Variants in ALOX12 observed in about 807,000 individuals in gnomAD.
The protein encoded by ALOX12 is polyunsaturated fatty acid lipoxygenase ALOX12.
ALOX12 carries 62 observed loss-of-function variants against 85.5 expected under a neutral mutation model. That is an observed-to-expected ratio of 0.73 (90% CI 0.59 to 0.90). The LOEUF is 0.90. ALOX12 is among the 40% of genes least tolerant of loss of function. The pLI, the probability that ALOX12 is intolerant of heterozygous loss-of-function variation, is 0.00. For missense variants in ALOX12, 751 were observed against 856.5 expected (o/e 0.88, Z 1.54); for synonymous variants, 299 against 332.7 (o/e 0.90, Z 1.10).
Position 6,998,714 on chromosome 17 carries a change from G to A in ALOX12, c.420-1G>A, listed in dbSNP as rs1417839262. 1.9e-6 allele frequency: 3 copies of A among 1,611,308 alleles called. No individual in the cohort carries two copies. The South Asian group carries it at 3.3e-5, about 18-fold the overall frequency. ...CCTGAAGCTTTGTCCCCAACTCCTA[G>A]CTGGGCCACCTGGAAGGAAGGGTTA... is the stretch of plus-strand genomic sequence containing the variant. On this transcript the variant is annotated splice_acceptor_variant, in intron 3 of 13. Coordinates refer to ENST00000251535, the MANE Select transcript of ALOX12 (RefSeq NM_000697.3). LOFTEE classifies it high-confidence loss of function.
chr17:7,001,715 C>T lies in ALOX12; in HGVS notation c.1065C>T (p.His355=), dbSNP rs113417479. ...SWVRNSDFQL[H]EIQYHLLNTH... ...TCCGAAATTCAGATTTCCAACTGCA[C>T]GAGATCCAGTATCACTTGCTGAACA... is the stretch of plus-strand genomic sequence containing the variant. Residue 355 remains histidine, a synonymous_variant, in exon 8 of 14, where the codon CAC becomes CAT. Transcript: ENST00000251535. 180 of 1,614,118 alleles carry T rather than the reference C, an allele frequency of 1.1e-4. No homozygotes were observed. The highest frequency in any genetic ancestry group is 3.7e-4 in the African/African-American group (28 of 75,032).
chr17:6,996,992 A>G lies in ALOX12; in HGVS notation c.302A>G (p.Gln101Arg). 6.4e-7 allele frequency: 1 copy of G among 1,563,414 alleles called. No homozygotes were observed. The highest frequency in any genetic ancestry group is 8.7e-7 in the Non-Finnish European group (1 of 1,153,644). Reference sequence around the variant, plus strand: ...GCCTTCCCGTGCTACCGCTGGGTGCAGGGCGAGGACATCCTGAGCCTGCCC... The same window carrying G: ...GCCTTCCCGTGCTACCGCTGGGTGCGGGGCGAGGACATCCTGAGCCTGCCC... The part of the protein sequence containing the change: ...EVAFPCYRWV[Q>R]GEDILSLPEG... The change falls in exon 2 of 14, where the codon CAG (glutamine) becomes CGG (arginine). Residue 101 changes from glutamine (Q) to arginine (R), a missense_variant. Gln to Arg is a conservative substitution (Grantham distance 43). Coordinates refer to ENST00000251535, the MANE Select transcript of ALOX12 (RefSeq NM_000697.3).
At chr17:7,006,693 C>A in intron 11 of ALOX12, 86 bp downstream of exon 11, 1 of 1,487,392 alleles carries the variant, frequency 6.7e-7, no homozygotes, top group South Asian at 1.4e-5. Flanking sequence ...GGACAGGACC[C>A]CAGCCTCTCA....
chr17:7,006,477 C>G lies in ALOX12; in HGVS notation c.1419-9C>G, dbSNP rs373968233. On this transcript the variant is annotated splice_polypyrimidine_tract_variant and intron_variant, in intron 10 of 13. Transcript: ENST00000251535. ...TTTCTGCCCTCAAGTGCCTTTTCCCCCTGGGCAGGTATGTGGAGGGGATCG... is the reference window on the plus strand; with the variant it reads ...TTTCTGCCCTCAAGTGCCTTTTCCCGCTGGGCAGGTATGTGGAGGGGATCG... The G allele has an allele frequency of 2.9e-5, 47 of 1,613,468 alleles. No homozygotes were observed. In the African/African-American group the frequency reaches 6.0e-4, roughly 21 times the overall value.
At chr17:6,998,087 C>T (rs1476895208) in intron 2 of ALOX12, among the ~76,000 whole-genome samples, 7 of 149,684 alleles carry the variant, frequency 4.7e-5, no homozygotes, top group Non-Finnish European at 1.5e-5. Context: ...CAGGTGAAGG[C>T]GTGGCAGGTG....
chr17:7,001,318 TCACATTCCAC>T, intron 7 of ALOX12: 1 of 459,478 alleles, frequency 2.2e-6, no homozygotes, highest in South Asian at 2.6e-5. Context: ...TACTTCTCCT[TCACATTCCAC>T]CACCATCTGA....
At position 7,006,060 on chromosome 17, in the gene ALOX12, CGG is replaced by C. The variant is rs1555568712; in HGVS notation, c.1418+46_1418+47del. On this transcript the variant is annotated intron_variant, in intron 10 of 13. Coordinates refer to ENST00000251535, the MANE Select transcript of ALOX12 (RefSeq NM_000697.3). The stretch of plus-strand genomic sequence containing the variant: ...AGGAGGAGCTGAGAAATGGTGGGGC[CGG>C]GGGGGGGGGGGGCTCTGGCCTGAGG... The C allele has an allele frequency of 1.4e-4, 13 of 92,150 alleles. No homozygotes were observed. The Admixed American group carries it at 3.4e-3, about 24-fold the overall frequency. 5.7% of individuals were successfully genotyped at this position (92,150 alleles called of 1,614,324 possible).
Position 7,009,979 on chromosome 17 carries a change from T to C in ALOX12, c.1665T>C (p.Pro555=). The C allele has an allele frequency of 6.2e-7, 1 of 1,614,122 alleles. No homozygotes were observed. Among genetic ancestry groups the C allele is most frequent in the Non-Finnish European group, 8.5e-7 (1 of 1,180,006 alleles). ...AGCTGGACTGGTATGCCTGGGTCCC[T>C]AATGCTCCATGCACAATGCGGATGC... The part of the protein sequence containing the change: ...QGQLDWYAWV[P]NAPCTMRMPP... The change falls in exon 13 of 14, where the codon CCT becomes CCC. Residue 555 remains proline, a synonymous_variant. Coordinates refer to ENST00000251535, the MANE Select transcript of ALOX12 (RefSeq NM_000697.3).
intron 6 of ALOX12, 89 bp downstream of exon 6, chr17:6,999,555 G>A (rs1908609819): frequency 4.9e-6 from 7 of 1,438,178 alleles, no homozygotes; most frequent in Non-Finnish European, 6.7e-6. Context: ...TCAGAGGAAG[G>A]CTGCAGTACT....
At position 7,006,540 on chromosome 17, in the gene ALOX12, G is replaced by A; in HGVS notation, c.1473G>A (p.Gly491=). The A allele has an allele frequency of 6.2e-7, 1 of 1,613,786 alleles. No individual in the cohort carries two copies. Among genetic ancestry groups the A allele is most frequent in the Non-Finnish European group, 8.5e-7 (1 of 1,179,850 alleles). ...ACCAAAGGGATGACATAGTGAAGGGGGACCCTGAGCTGCAGGCCTGGTGTC... is the reference window on the plus strand; with the variant it reads ...ACCAAAGGGATGACATAGTGAAGGGAGACCCTGAGCTGCAGGCCTGGTGTC... The part of the protein sequence containing the change: ...LFYQRDDIVK[G]DPELQAWCRE... Residue 491 remains glycine, a synonymous_variant, in exon 11 of 14, where the codon GGG becomes GGA. Transcript: ENST00000251535.
chr17:7,001,439 C>A, intron 7 of ALOX12, 163 bp from the exon 8 acceptor site: 2 of 708,028 alleles, frequency 2.8e-6, no homozygotes, highest in Non-Finnish European at 4.8e-6. Flanking sequence ...GACATCAGGG[C>A]ACTCCAGCTA....
chr17:6,998,657 C>G (rs2151639221), intron 3 of ALOX12, 58 bp from the exon 4 acceptor site: 1 of 1,589,900 alleles, frequency 6.3e-7, no homozygotes, highest in Non-Finnish European at 8.6e-7. Flanking sequence ...CCTGCCCCTG[C>G]CCCTGGCCCC....
rs1908635114 is a variant in ALOX12 at position 7,000,073 on chromosome 17, C to G, written c.808-263C>G. 6.6e-6 allele frequency among the ~76,000 whole-genome samples: 1 copy of G among 152,168 alleles called. No homozygotes were observed. Among genetic ancestry groups the G allele is most frequent in the Admixed American group, 6.5e-5 (1 of 15,274 alleles). On this transcript the variant is annotated intron_variant, in intron 6 of 13. Coordinates refer to ENST00000251535, the MANE Select transcript of ALOX12 (RefSeq NM_000697.3). This position sits in a 1 kb window ranked among gnomAD's most constrained non-coding sequence, Gnocchi z 4.6. ...TTGACAGGTGGTCAGTTTACAATGC[C>G]TGTGATGCCAACTGGATTGAGCAGG...
chr17:7,005,762 A>C, intron 9 of ALOX12, 96 bp from the exon 10 acceptor site: 4 of 1,381,042 alleles, frequency 2.9e-6, no homozygotes, highest in South Asian at 2.6e-5. Flanking sequence ...CCCATGTCTT[A>C]ATATCTGAAA....
chr17:7,008,015 A>G (rs1036208582), intron 11 of ALOX12, among the ~76,000 whole-genome samples: 3 of 152,218 alleles, frequency 2.0e-5, no homozygotes, highest in African/African-American at 7.2e-5. Flanking sequence ...GGCTGCCCAC[A>G]GCCGATTTCT....
At chr17:7,004,446 ATTT>A (rs1234670531) in intron 8 of ALOX12, among the ~76,000 whole-genome samples, 2 of 146,156 alleles carry the variant, frequency 1.4e-5, no homozygotes, top group African/African-American at 2.5e-5. Context: ...AAATTTTAAT[ATTT>A]TTATTTTAAT....
chr17:7,002,462 G>A (rs1239308216), intron 8 of ALOX12: 3 of 468,718 alleles, frequency 6.4e-6, no homozygotes, highest in Middle Eastern at 6.9e-4. Flanking sequence ...GTAAGTCCCT[G>A]GGGCAGGTGT....
chr17:7,010,322 T>A lies in ALOX12; in HGVS notation c.1891T>A (p.Leu631Met). 2 of 1,614,168 alleles carry A rather than the reference T, an allele frequency of 1.2e-6. No individual in the cohort carries two copies. The highest frequency in any genetic ancestry group is 1.7e-6 in the Non-Finnish European group (2 of 1,180,026). Residue 631 changes from leucine (L) to methionine (M), a missense_variant, in exon 14 of 14, where the codon TTG (leucine) becomes ATG (methionine). Transcript: ENST00000251535. ...TGTGCTAAACCAATTCCGAACAGAT[T>A]TGGAAAAGCTGGAAAAGGAGATTAC... ...KAVLNQFRTDLEKLEKEITAR... is the reference protein window; with the variant it reads ...KAVLNQFRTDMEKLEKEITAR...
chr17:6,996,307 G>C, intron 1 of ALOX12, 55 bp downstream of exon 1: 1 of 1,217,932 alleles, frequency 8.2e-7, no homozygotes, highest in Non-Finnish European at 1.0e-6. Context: ...GCCCAGGCCC[G>C]GGCCGAGCTG....
Sources: gnomAD v4.1 joint callset for allele counts (sites outside exome capture counted in the v4.1 genomes callset) on GRCh38, gnomAD v4.1.1 for gene constraint, Gnocchi (gnomAD v3.1) non-coding constraint, MANE v1.5 for transcripts, NCBI Gene and HGNC (gene_info 2026-07-23, HGNC 2026-07-21) for gene names.